Variants in RIN2 observed in about 807,000 individuals in gnomAD.
The protein encoded by RIN2 is Ras and Rab interactor 2, also known as RAB5 interacting protein 2.
RIN2 carries 36 observed loss-of-function variants against 78.0 expected under a neutral mutation model. The observed-to-expected ratio is 0.46, with a 90% CI of 0.35 to 0.61. RIN2 has a LOEUF of 0.61. Ranked by LOEUF, RIN2 falls within the 20% of genes least tolerant of loss-of-function variation. The pLI, the probability that RIN2 is intolerant of heterozygous loss-of-function variation, is 0.00. For synonymous variants in RIN2, 466 were observed against 466.8 expected, an observed-to-expected ratio of 1.00 and a Z score of 0.02; for missense variants, 1,087 against 1,159.7, an observed-to-expected ratio of 0.94 and a Z score of 0.91.
At chr20:19,908,876 A>G (rs1373514334) in intron 3 of RIN2, among the ~76,000 whole-genome samples, 2 of 152,182 alleles carry the variant, frequency 1.3e-5, no homozygotes, top group Non-Finnish European at 2.9e-5. Flanking sequence ...TTGTTTGTTT[A>G]TCTTTGAGAT....
intron 1 of RIN2, among the ~76,000 whole-genome samples, chr20:19,787,445 A>AG (rs1555818484): frequency 6.8e-5 from 10 of 148,144 alleles, no homozygotes; most frequent in African/African-American, 2.0e-4. Context: ...AAAAAAAAAA[A>AG]AGAGAGAGAG....
chr20:19,927,270 T>TG (rs551747138), intron 3 of RIN2, among the ~76,000 whole-genome samples: 455 of 152,324 alleles, frequency 3.0e-3, no homozygotes, highest in Middle Eastern at 6.8e-3. Flanking sequence ...TTTTAAGAGA[T>TG]GGGGTCTCAC....
At chr20:19,902,920 C>T (rs1038634612) in intron 3 of RIN2, among the ~76,000 whole-genome samples, 1 of 151,882 alleles carries the variant, frequency 6.6e-6, no homozygotes, top group Non-Finnish European at 1.5e-5. Flanking sequence ...GGTGAAACCC[C>T]GTCTCTACTA....
intron 1 of RIN2, among the ~76,000 whole-genome samples, chr20:19,769,146 T>A (rs1391937149): frequency 2.6e-5 from 4 of 152,208 alleles, no homozygotes; most frequent in African/African-American, 9.6e-5. Context: ...GGTCTTGAAC[T>A]CCTGACCTCA....
intron 2 of RIN2, among the ~76,000 whole-genome samples, chr20:19,853,836 T>A (rs1345359568): frequency 6.6e-6 from 1 of 152,250 alleles, no homozygotes; most frequent in Non-Finnish European, 1.5e-5. Flanking sequence ...GGTTGCCTGT[T>A]CACTCTGATG....
intron 2 of RIN2, among the ~76,000 whole-genome samples, chr20:19,870,776 T>G (rs2037667424): frequency 6.6e-6 from 1 of 152,226 alleles, no homozygotes; most frequent in Non-Finnish European, 1.5e-5. Flanking sequence ...ATGATGTTTC[T>G]TCTTGATGAG....
chr20:19,822,651 T>TAC (rs11468740), intron 2 of RIN2, among the ~76,000 whole-genome samples: 18 of 151,160 alleles, frequency 1.2e-4, no homozygotes, highest in East Asian at 5.8e-4. Context: ...GAGAGCAAAA[T>TAC]ACACACACAC....
At chr20:19,886,839 T>C in intron 2 of RIN2, 3 of 1,027,790 alleles carry the variant, frequency 2.9e-6, no homozygotes, top group Non-Finnish European at 4.3e-6. Context: ...ATGAAGCTGC[T>C]GGGGTGACAT....
chr20:19,922,097 C>T (rs895108041), intron 3 of RIN2, among the ~76,000 whole-genome samples: 1 of 152,296 alleles, frequency 6.6e-6, no homozygotes, highest in East Asian at 1.9e-4. Flanking sequence ...AACTCCTGAC[C>T]TCAAGTGATC....
chr20:19,769,496 C>G (rs941829072), intron 1 of RIN2, among the ~76,000 whole-genome samples: 2 of 152,250 alleles, frequency 1.3e-5, no homozygotes, highest in African/African-American at 2.4e-5. Context: ...CCGTAGTCAT[C>G]ATCATCGACC....
intron 4 of RIN2, among the ~76,000 whole-genome samples, chr20:19,948,251 G>T (rs1190620079): frequency 6.6e-6 from 1 of 152,124 alleles, no homozygotes; most frequent in East Asian, 1.9e-4. Flanking sequence ...TTGACTTACG[G>T]GCCACAACCA....
chr20:19,993,232 A>G (rs1274530540), intron 11 of RIN2, among the ~76,000 whole-genome samples: 1 of 151,818 alleles, frequency 6.6e-6, no homozygotes, highest in East Asian at 1.9e-4. Flanking sequence ...ATATATCCAG[A>G]TAAAAGCCCA....
intron 4 of RIN2, among the ~76,000 whole-genome samples, chr20:19,938,205 T>G (rs1337014514): frequency 6.6e-6 from 1 of 152,082 alleles, no homozygotes; most frequent in Non-Finnish European, 1.5e-5. Flanking sequence ...CCTTTTCTTT[T>G]TTTGTTTGTT....
At chr20:19,853,415 G>A (rs917882265) in intron 2 of RIN2, among the ~76,000 whole-genome samples, 17 of 152,122 alleles carry the variant, frequency 1.1e-4, no homozygotes, top group South Asian at 2.1e-4. Context: ...GGATGGCTGG[G>A]TCAAATGGTA....
At chr20:19,939,838 T>C (rs972028869) in intron 4 of RIN2, among the ~76,000 whole-genome samples, 3 of 142,100 alleles carry the variant, frequency 2.1e-5, no homozygotes, top group Non-Finnish European at 4.5e-5. Flanking sequence ...ACTTGCTTCC[T>C]GTCCATTCTT....
At chr20:19,841,911 C>T (rs934068555) in intron 2 of RIN2, among the ~76,000 whole-genome samples, 1 of 152,266 alleles carries the variant, frequency 6.6e-6, no homozygotes, top group Non-Finnish European at 1.5e-5. Context: ...ATAATTGCAA[C>T]TCACTACACT....
At chr20:19,977,317 C>T (rs1010232040) in intron 9 of RIN2, among the ~76,000 whole-genome samples, 2 of 152,156 alleles carry the variant, frequency 1.3e-5, no homozygotes, top group African/African-American at 2.4e-5. Context: ...AAGTTAGTCC[C>T]GGGAAGCTCT....
At chr20:19,940,529 G>A (rs1356169961) in intron 4 of RIN2, among the ~76,000 whole-genome samples, 1 of 152,194 alleles carries the variant, frequency 6.6e-6, no homozygotes, top group East Asian at 1.9e-4. Flanking sequence ...AGTAGGAGCT[G>A]ATTAAATCTC....
At chr20:19,999,442 T>C (rs1230410809) in intron 12 of RIN2, among the ~76,000 whole-genome samples, 8 of 152,176 alleles carry the variant, frequency 5.3e-5, no homozygotes, top group Non-Finnish European at 1.0e-4. Context: ...TTCCCTTCTG[T>C]TATCCCAGGA....
Sources: gnomAD v4.1 joint callset for allele counts (sites outside exome capture counted in the v4.1 genomes callset) on GRCh38, gnomAD v4.1.1 for gene constraint, MANE v1.5 for transcripts, NCBI Gene and HGNC (gene_info 2026-07-23, HGNC 2026-07-21) for gene names.